Variants in PTPRN2 observed in about 807,000 individuals in gnomAD.
The protein encoded by PTPRN2 is receptor-type tyrosine-protein phosphatase N2.
Under a neutral mutation model 118.8 loss-of-function variants are expected in PTPRN2, and 74 were observed. The observed-to-expected ratio is 0.62, with a 90% CI of 0.52 to 0.76. The LOEUF (loss-of-function observed/expected upper bound fraction) is 0.76. Ranked by LOEUF, PTPRN2 falls within the 30% of genes least tolerant of loss-of-function variation. PTPRN2 has a pLI of 0.00. For synonymous variants in PTPRN2, 641 were observed against 608.0 expected (o/e 1.05, Z -0.80); for missense variants, 1,481 against 1,394.4 (o/e 1.06, Z -0.99).
At position 157,893,382 on chromosome 7, in the gene PTPRN2, G is replaced by A. The variant is rs1433936239; in HGVS notation, c.1788+5291C>T. On this transcript the variant is annotated intron_variant, in intron 12 of 22. Coordinates refer to ENST00000389418, the MANE Select transcript of PTPRN2 (RefSeq NM_002847.5). This position sits in a 1 kb window ranked among gnomAD's most constrained non-coding sequence, Gnocchi z 4.0. Reference sequence around the variant, plus strand: ...CTGCCCTCAGCCCCCACGGTCCCCCGCAGTCTAGGGAGAACCTTCCTTCCC... The same window carrying A: ...CTGCCCTCAGCCCCCACGGTCCCCCACAGTCTAGGGAGAACCTTCCTTCCC... Among the ~76,000 whole-genome samples the A allele has an allele frequency of 5.3e-5, 8 of 152,180 alleles. No homozygotes were observed. The highest frequency in any genetic ancestry group is 8.8e-5 in the Non-Finnish European group (6 of 68,030).
intron 11 of PTPRN2, among the ~76,000 whole-genome samples, chr7:157,963,931 T>C (rs972774088): frequency 2.0e-5 from 3 of 152,246 alleles, no homozygotes; most frequent in Non-Finnish European, 4.4e-5. Context: ...CTCAAACTCC[T>C]GGCCTTGGCC....
At chr7:157,655,260 T>C (rs1300952694) in intron 14 of PTPRN2, among the ~76,000 whole-genome samples, 1 of 152,206 alleles carries the variant, frequency 6.6e-6, no homozygotes, top group Non-Finnish European at 1.5e-5. Context: ...GCTGCTGAGT[T>C]CCTCAGTTTC....
chr7:157,655,536 G>T (rs1360497510), intron 14 of PTPRN2, among the ~76,000 whole-genome samples: 1 of 152,228 alleles, frequency 6.6e-6, no homozygotes, highest in Non-Finnish European at 1.5e-5. Context: ...TGCAACCTGG[G>T]AACTTAATGG....
chr7:157,702,250 G>A (rs1235888883), intron 12 of PTPRN2, among the ~76,000 whole-genome samples: 1 of 151,652 alleles, frequency 6.6e-6, no homozygotes, highest in East Asian at 1.9e-4. Flanking sequence ...GTCGGTCCTG[G>A]TGTAACTGAC....
chr7:158,390,785 TC>T (rs1563234077), intron 2 of PTPRN2, among the ~76,000 whole-genome samples: 1 of 152,164 alleles, frequency 6.6e-6, no homozygotes, highest in Admixed American at 6.5e-5. Context: ...CCCTTAACTG[TC>T]AGCTCCACTC....
At chr7:158,067,683 G>C (rs1585319001) in intron 11 of PTPRN2, among the ~76,000 whole-genome samples, 1 of 152,262 alleles carries the variant, frequency 6.6e-6, no homozygotes, top group South Asian at 2.1e-4. Flanking sequence ...AAAGCTGCCA[G>C]AGACAAGGCG....
chr7:157,816,733 ACTCTGCCCTCTACCCTCTGCC>A (rs1391753071), intron 12 of PTPRN2, among the ~76,000 whole-genome samples: 8 of 151,912 alleles, frequency 5.3e-5, no homozygotes, highest in Non-Finnish European at 8.8e-5. Context: ...GTGGTGCGAG[ACTCTGCCCTCTACCCTCTGCC>A]CTCTGCCCTC....
intron 11 of PTPRN2, among the ~76,000 whole-genome samples, chr7:158,031,809 A>T (rs1197432460): frequency 6.6e-6 from 1 of 152,246 alleles, no homozygotes; most frequent in Admixed American, 6.5e-5. Flanking sequence ...TCGAGTAAAA[A>T]AGGTGGGCGG....
chr7:158,500,923 T>C (rs1822314646), intron 1 of PTPRN2, among the ~76,000 whole-genome samples: 1 of 152,240 alleles, frequency 6.6e-6, no homozygotes, highest in Admixed American at 6.5e-5. Context: ...GCCGCGCTCC[T>C]CACGCGGCGG....
At chr7:158,573,877 A>G (rs1158372260) in intron 1 of PTPRN2, among the ~76,000 whole-genome samples, 1 of 152,126 alleles carries the variant, frequency 6.6e-6, no homozygotes, top group Admixed American at 6.5e-5. Flanking sequence ...TCATTCTCAA[A>G]CTATGCTGCA....
At chr7:158,128,202 C>G (rs59346077) in intron 9 of PTPRN2, among the ~76,000 whole-genome samples, 41,261 of 152,128 alleles carry the variant, frequency 0.27, 5,763 homozygotes, top group South Asian at 0.4. Context: ...CTGGTGAAAA[C>G]TTGCCCAAGA....
At chr7:157,811,148 G>GTAGTCCCA (rs1806006570) in intron 12 of PTPRN2, among the ~76,000 whole-genome samples, 1 of 151,518 alleles carries the variant, frequency 6.6e-6, no homozygotes, top group Admixed American at 6.6e-5. Flanking sequence ...GCGGGCACCT[G>GTAGTCCCA]TAGTCCCAGC....
chr7:158,260,625 T>A (rs539372332), intron 3 of PTPRN2, among the ~76,000 whole-genome samples: 1 of 152,120 alleles, frequency 6.6e-6, no homozygotes, highest in Non-Finnish European at 1.5e-5. Flanking sequence ...CTAATGCTGA[T>A]AGTAAGGTTA....
intron 14 of PTPRN2, among the ~76,000 whole-genome samples, chr7:157,646,517 A>G (rs1289227582): frequency 6.6e-6 from 1 of 152,154 alleles, no homozygotes; most frequent in Non-Finnish European, 1.5e-5. Context: ...TGAATTACCC[A>G]GCCTCAGGTA....
intron 1 of PTPRN2, among the ~76,000 whole-genome samples, chr7:158,577,314 G>A (rs1828387291): frequency 7.4e-6 from 1 of 135,130 alleles, no homozygotes; most frequent in Non-Finnish European, 1.6e-5. Context: ...AGACAGCATG[G>A]GGCCTGCACA....
At chr7:158,460,813 C>G (rs1199012461) in intron 2 of PTPRN2, among the ~76,000 whole-genome samples, 6 of 152,238 alleles carry the variant, frequency 3.9e-5, no homozygotes, top group African/African-American at 1.4e-4. Flanking sequence ...AATGTTCCAC[C>G]CACCTTTGGC....
At position 157,929,036 on chromosome 7, in the gene PTPRN2, A is replaced by G. The variant is rs1799207590; in HGVS notation, c.1724-30299T>C. Among the ~76,000 whole-genome samples the G allele has an allele frequency of 6.6e-6, 1 of 152,154 alleles. No individual in the cohort carries two copies. The highest frequency in any genetic ancestry group is 2.1e-4 in the South Asian group (1 of 4,830). ...GGAGATGGTTTAACCTCACATGCCC[A>G]CTTTAGAGGCAGGAGAGTGGGGTCC... On this transcript the variant is annotated intron_variant, in intron 11 of 22. Coordinates refer to ENST00000389418, the MANE Select transcript of PTPRN2 (RefSeq NM_002847.5). The surrounding 1 kb of genome is among the most constrained non-coding windows in gnomAD (Gnocchi z 4.4).
At chr7:158,337,100 C>T (rs544145405) in intron 2 of PTPRN2, among the ~76,000 whole-genome samples, 795 of 149,986 alleles carry the variant, frequency 5.3e-3, no homozygotes, top group African/African-American at 0.019. Flanking sequence ...CACCCACACT[C>T]TCACCATAAG....
chr7:158,302,027 T>C (rs1800930492), intron 3 of PTPRN2, among the ~76,000 whole-genome samples: 1 of 152,192 alleles, frequency 6.6e-6, no homozygotes. Context: ...AGACAGACCA[T>C]TACTCTAGTA....
Sources: gnomAD v4.1 joint callset for allele counts (sites outside exome capture counted in the v4.1 genomes callset) on GRCh38, gnomAD v4.1.1 for gene constraint, Gnocchi (gnomAD v3.1) non-coding constraint, MANE v1.5 for transcripts, NCBI Gene and HGNC (gene_info 2026-07-23, HGNC 2026-07-21) for gene names.